The following NCOR2 variants were observed in gnomAD, a reference collection of about 807,000 sequenced individuals.
NCOR2 encodes nuclear receptor corepressor 2, also known as CTG repeat protein 26.
A neutral mutation model predicts 262.9 loss-of-function variants in NCOR2; 81 were observed. The ratio of observed to expected loss-of-function variants is 0.31; its 90% confidence interval spans 0.26 to 0.37. NCOR2 has a LOEUF of 0.37. Ranked by LOEUF, NCOR2 falls within the 10% of genes least tolerant of loss-of-function variation. The pLI, the probability that NCOR2 is intolerant of heterozygous loss-of-function variation, is 1.00. For synonymous variants in NCOR2, 1,659 were observed against 1,559.3 expected, an observed-to-expected ratio of 1.06 and a Z score of -1.51; for missense variants, 3,385 against 3,621.4, an observed-to-expected ratio of 0.93 and a Z score of 1.68.
intron 1 of NCOR2, among the ~76,000 whole-genome samples, chr12:124,515,472 G>A (rs996366563): frequency 1.3e-5 from 2 of 151,660 alleles, no homozygotes; most frequent in African/African-American, 4.8e-5. Flanking sequence ...CTGAGACAAC[G>A]ACAATTCATC....
At chr12:124,430,749 C>T (rs1291053855) in exon 9 of NCOR2, 3 of 1,613,948 alleles carry the variant, frequency 1.9e-6, no homozygotes, top group African/African-American at 2.7e-5. Context: ...TCTCCCAGGC[C>T]TCCATGAGCT....
chr12:124,357,263 T>A (rs896424800), intron 22 of NCOR2, among the ~76,000 whole-genome samples: 1 of 152,196 alleles, frequency 6.6e-6, no homozygotes, highest in Admixed American at 6.5e-5. Context: ...TTCTCCCACC[T>A]CAGCCTCTCA....
chr12:124,365,312 A>G (rs976328040), intron 20 of NCOR2, among the ~76,000 whole-genome samples: 2 of 152,192 alleles, frequency 1.3e-5, no homozygotes, highest in Non-Finnish European at 2.9e-5. Context: ...TATGCAGACT[A>G]TAAGTCACAG....
chr12:124,481,013 G>C lies in NCOR2; in HGVS notation c.411+2583C>G, dbSNP rs1005704252. On this transcript the variant is annotated intron_variant, in intron 3 of 46. Transcript: ENST00000405201. This position sits in a 1 kb window ranked among gnomAD's most constrained non-coding sequence, Gnocchi z 4.6. Reference sequence around the variant, plus strand: ...GCCGCAGGCAGATGGGCTGGGTGGCGCTGGGTGGTGGCTGGGAGTGGCTCT... The same window carrying C: ...GCCGCAGGCAGATGGGCTGGGTGGCCCTGGGTGGTGGCTGGGAGTGGCTCT... 6.6e-6 allele frequency among the ~76,000 whole-genome samples: 1 copy of C among 151,916 alleles called. No homozygotes were observed. Among genetic ancestry groups the C allele is most frequent in the Non-Finnish European group, 1.5e-5 (1 of 67,966 alleles).
intron 3 of NCOR2, among the ~76,000 whole-genome samples, chr12:124,477,029 G>T (rs2047138881): frequency 6.6e-6 from 1 of 151,998 alleles, no homozygotes; most frequent in Admixed American, 6.6e-5. Flanking sequence ...CCACTTACAA[G>T]AAATGTCCAG....
In NCOR2 at chr12:124,483,802, A is replaced by G; in HGVS notation, c.234-29T>C. On this transcript the variant is annotated intron_variant, in intron 2 of 46. Coordinates refer to ENST00000405201, the Ensembl canonical transcript of NCOR2. This position sits in a 1 kb window ranked among gnomAD's most constrained non-coding sequence, Gnocchi z 6.3. ...CAGGAGGTGAGGCATCCAACGTCACATAGGAGATTGCGGCTCTGAGAACTC... is the reference window on the plus strand; with the variant it reads ...CAGGAGGTGAGGCATCCAACGTCACGTAGGAGATTGCGGCTCTGAGAACTC... 6.4e-7 allele frequency: 1 copy of G among 1,563,544 alleles called. No individual in the cohort carries two copies. The highest frequency in any genetic ancestry group is 2.3e-5 in the East Asian group (1 of 43,540).
chr12:124,508,738 A>T lies in NCOR2; in HGVS notation c.-117-13370T>A, dbSNP rs141946504. ...TTTTGAGACATCTCCCGATATTTCTAAAAAAACACTGACTATAAAACCAAC... is the reference window on the plus strand; with the variant it reads ...TTTTGAGACATCTCCCGATATTTCTTAAAAAACACTGACTATAAAACCAAC... On this transcript the variant is annotated intron_variant, in intron 1 of 46. Coordinates refer to the NCOR2 transcript ENST00000404621. 5.1e-4 allele frequency among the ~76,000 whole-genome samples: 77 copies of T among 152,296 alleles called. 1 individual carries two copies. The highest frequency in any genetic ancestry group is 1.8e-3 in the African/African-American group (76 of 41,564).
At chr12:124,326,297 T>C (rs199872704) in exon 46 of NCOR2, 203 of 1,566,196 alleles carry the variant, frequency 1.3e-4, no homozygotes, top group Non-Finnish European at 1.7e-4. Flanking sequence ...GGTCCCCAGA[T>C]GCCAGGCCCG....
chr12:124,388,293 C>T (rs1593325119), intron 16 of NCOR2, among the ~76,000 whole-genome samples: 1 of 152,036 alleles, frequency 6.6e-6, no homozygotes, highest in South Asian at 2.1e-4. Context: ...GGCAGGCTGG[C>T]ACTGGCTTCC....
At chr12:124,439,257 A>AAAGAGACAGAGACCCAGAGAGAG (rs2044648123) in intron 7 of NCOR2, among the ~76,000 whole-genome samples, 1 of 8,304 alleles carries the variant, frequency 1.2e-4, no homozygotes, top group Admixed American at 1.5e-3. Flanking sequence ...CCAGAGAGAG[A>AAAGAGACAGAGACCCAGAGAGAG]GAGATGGAGA....
intron 2 of NCOR2, among the ~76,000 whole-genome samples, chr12:124,485,877 C>T (rs73225444): frequency 0.03 from 4,637 of 152,214 alleles, 121 homozygotes; most frequent in East Asian, 0.07. Context: ...GCCTACCGAT[C>T]CCAAGTGAAT....
chr12:124,560,391 CAT>C (rs1187771622), intron 1 of NCOR2, among the ~76,000 whole-genome samples: 10 of 152,358 alleles, frequency 6.6e-5, no homozygotes, highest in Non-Finnish European at 1.2e-4. Flanking sequence ...TATGATTTCA[CAT>C]GTCATAAAAT....
At chr12:124,333,341 C>A in intron 41 of NCOR2, 62 bp from the exon 44 acceptor site, 1 of 1,381,014 alleles carries the variant, frequency 7.2e-7, no homozygotes, top group Non-Finnish European at 9.5e-7. Flanking sequence ...GCGCACCCTC[C>A]CTCCACTCTA....
chr12:124,332,478 C>A lies in NCOR2; in HGVS notation c.6756-11G>T, dbSNP rs2035278569. The A allele has an allele frequency of 6.2e-7, 1 of 1,614,102 alleles. No homozygotes were observed. Among genetic ancestry groups the A allele is most frequent in the Non-Finnish European group, 8.5e-7 (1 of 1,179,996 alleles). On this transcript the variant is annotated splice_polypyrimidine_tract_variant and intron_variant, in intron 42 of 46. Coordinates refer to ENST00000405201, the Ensembl canonical transcript of NCOR2. ...TTGGAGCCCATCCTGCTGTGAGGAT[C>A]AAACACCTCACATCAGCTCACTTGG...
intron 24 of NCOR2, 107 bp from the exon 27 acceptor site, chr12:124,355,046 G>GACAGCAGCCCCA: frequency 1.1e-6 from 1 of 924,428 alleles, no homozygotes; most frequent in Non-Finnish European, 1.6e-6. Flanking sequence ...TCAGAGGCTG[G>GACAGCAGCCCCA]GGCTGCTGTC....
At position 124,443,136 on chromosome 12, in the gene NCOR2, C is replaced by T. The variant is rs2044924106; in HGVS notation, c.816-5140G>A. On this transcript the variant is annotated intron_variant, in intron 7 of 46. Coordinates refer to ENST00000405201, the Ensembl canonical transcript of NCOR2. This position sits in a 1 kb window ranked among gnomAD's most constrained non-coding sequence, Gnocchi z 4.4. Reference sequence around the variant, plus strand: ...CATTTTCAGCTGCCCGGTTCACGGCCGAGTGTTAAGGCAGCGCTGAGAAGC... The same window carrying T: ...CATTTTCAGCTGCCCGGTTCACGGCTGAGTGTTAAGGCAGCGCTGAGAAGC... Among the ~76,000 whole-genome samples, 3 of 152,170 alleles carry T rather than the reference C, an allele frequency of 2.0e-5. No homozygotes were observed. Among genetic ancestry groups the T allele is most frequent in the African/African-American group, 7.2e-5 (3 of 41,444 alleles).
intron 38 of NCOR2, 168 bp downstream of exon 40, chr12:124,336,585 T>C: frequency 1.0e-6 from 1 of 980,480 alleles, no homozygotes; most frequent in Non-Finnish European, 1.2e-6. Flanking sequence ...AAAGCAGAGA[T>C]CTGAAAATAT....
chr12:124,387,989 G>A (rs992556369), intron 16 of NCOR2, among the ~76,000 whole-genome samples: 11 of 151,940 alleles, frequency 7.2e-5, no homozygotes, highest in Non-Finnish European at 1.3e-4. Flanking sequence ...AATAAATAAG[G>A]AGGTAGCTAG....
chr12:124,486,636 A>G, intron 1 of NCOR2, 68 bp from the exon 4 acceptor site: 1 of 1,506,310 alleles, frequency 6.6e-7, no homozygotes, highest in Non-Finnish European at 8.9e-7. Flanking sequence ...GGCAGGGCAC[A>G]GTGGGCAAGG....
Sources: gnomAD v4.1 joint callset for allele counts (sites outside exome capture counted in the v4.1 genomes callset) on GRCh38, gnomAD v4.1.1 for gene constraint, Gnocchi (gnomAD v3.1) non-coding constraint, MANE v1.5 for transcripts, NCBI Gene and HGNC (gene_info 2026-07-23, HGNC 2026-07-21) for gene names.